The following PLB1 variants were observed in gnomAD, a reference collection of about 807,000 sequenced individuals.
PLB1 encodes phospholipase B1, membrane-associated.
Under a neutral mutation model 227.4 loss-of-function variants are expected in PLB1, and 242 were observed. The ratio of observed to expected loss-of-function variants is 1.06; its 90% CI spans 0.96 to 1.18. PLB1 has a LOEUF of 1.18. Among genes scored for constraint, PLB1 ranks in the 50% most tolerant of loss-of-function variants. The pLI is 0.00. For missense variants in PLB1, 1,858 were observed against 1,816.3 expected (o/e 1.02, Z -0.42); for synonymous variants, 757 against 682.2 (o/e 1.11, Z -1.71).
intron 51 of PLB1, among the ~76,000 whole-genome samples, chr2:28,627,668 G>A (rs1000872315): frequency 2.0e-5 from 3 of 152,148 alleles, no homozygotes; most frequent in East Asian, 1.9e-4. Flanking sequence ...GAAACTCAGC[G>A]AACAGCACTG....
At chr2:28,512,581 G>A (rs1044626472) in intron 1 of PLB1, among the ~76,000 whole-genome samples, 2 of 151,698 alleles carry the variant, frequency 1.3e-5, no homozygotes, top group East Asian at 1.9e-4. Flanking sequence ...TCTGAGGGTC[G>A]TCAATTTGTT....
At chr2:28,600,762 A>G in intron 35 of PLB1, 47 bp from the exon 36 acceptor site, 2 of 1,587,774 alleles carry the variant, frequency 1.3e-6, no homozygotes, top group African/African-American at 1.3e-5. Context: ...GAGGAAAACT[A>G]TGGGCACTGT....
At chr2:28,533,177 TC>T (rs1671245256) in intron 9 of PLB1, among the ~76,000 whole-genome samples, 1 of 152,098 alleles carries the variant, frequency 6.6e-6, no homozygotes, top group Admixed American at 6.6e-5. Context: ...TGCGCCACAC[TC>T]CCACTGACTC....
At chr2:28,543,054 C>T (rs1029940414) in intron 13 of PLB1, among the ~76,000 whole-genome samples, 158 bp from the exon 14 acceptor site, 2 of 152,124 alleles carry the variant, frequency 1.3e-5, no homozygotes, top group African/African-American at 4.8e-5. Flanking sequence ...AGACGGTGGT[C>T]CCATAAGTGC....
rs114483564 is a variant in PLB1, at chr2:28,538,822, C to T, written c.619-277C>T. 3.7e-3 allele frequency among the ~76,000 whole-genome samples: 560 copies of T among 152,322 alleles called. 4 individuals are homozygous for T. Among genetic ancestry groups the T allele is most frequent in the African/African-American group, 0.012 (503 of 41,570 alleles). ...TTTCTGCTGGAGGAGGCTGCAGGCC[C>T]ATAGCCCCAGTGGTCTCCCTCCCCT... On this transcript the variant is annotated intron_variant, in intron 10 of 57. Coordinates refer to ENST00000327757, the MANE Select transcript of PLB1 (RefSeq NM_153021.5).
intron 46 of PLB1, among the ~76,000 whole-genome samples, chr2:28,619,123 C>G (rs57570433): frequency 0.017 from 2,557 of 152,278 alleles, 47 homozygotes; most frequent in African/African-American, 0.045. Flanking sequence ...GGGTTTGTTG[C>G]ACAGATTATT....
At chr2:28,572,450 A>G (rs1678171033) in intron 20 of PLB1, among the ~76,000 whole-genome samples, 1 of 152,230 alleles carries the variant, frequency 6.6e-6, no homozygotes, top group South Asian at 2.1e-4. Context: ...CTTGTACACA[A>G]ATGTTCATAG....
Position 28,563,072 on chromosome 2 carries a change from A to T in PLB1, c.1179A>T (p.Val393=). The change falls in exon 18 of 58, where the codon GTA becomes GTT. Residue 393 remains valine (V), a synonymous_variant. Transcript: ENST00000327757. ...VHRLKPADIN[V]IGALGDSLTA... is the part of the protein sequence containing the mutation. ...GGCTGAAGCCGGCTGACATCAACGT[A>T]ATTGGAGCCCTGGGTGACTCTCTCA... The T allele has an allele frequency of 6.2e-7, 1 of 1,613,846 alleles. No individual in the cohort carries two copies. Among genetic ancestry groups the T allele is most frequent in the Non-Finnish European group, 8.5e-7 (1 of 1,179,838 alleles).
At chr2:28,539,587 G>T (rs968025485) in intron 11 of PLB1, among the ~76,000 whole-genome samples, 7 of 152,138 alleles carry the variant, frequency 4.6e-5, no homozygotes, top group African/African-American at 1.7e-4. Context: ...TTCTGAAAAT[G>T]TTCATAGACT....
At chr2:28,635,036 A>C (rs545028972) in intron 56 of PLB1, among the ~76,000 whole-genome samples, 1 of 152,334 alleles carries the variant, frequency 6.6e-6, no homozygotes, top group South Asian at 2.1e-4. Flanking sequence ...AGGAGTTTAG[A>C]TATGAAAACA....
At chr2:28,566,628 G>C (rs1676954456) in intron 19 of PLB1, 168 bp from the exon 20 acceptor site, 2 of 655,504 alleles carry the variant, frequency 3.1e-6, no homozygotes, top group Non-Finnish European at 5.5e-6. Flanking sequence ...GAGGGGAGTC[G>C]TATTCTGGTT....
At chr2:28,600,196 C>T (rs992288753) in intron 35 of PLB1, among the ~76,000 whole-genome samples, 1 of 152,220 alleles carries the variant, frequency 6.6e-6, no homozygotes, top group South Asian at 2.1e-4. Flanking sequence ...AGGCGTGAGC[C>T]ACCAGGCCTG....
chr2:28,531,786 T>C (rs572026163), intron 8 of PLB1, among the ~76,000 whole-genome samples: 2 of 152,378 alleles, frequency 1.3e-5, no homozygotes, highest in African/African-American at 2.4e-5. Context: ...TTCCTTCTTA[T>C]GCATAAGGCT....
rs200283166 is a variant in PLB1 at position 28,614,072 on chromosome 2, G to A, written c.3171G>A (p.Thr1057=). 1.7e-5 allele frequency: 28 copies of A among 1,612,802 alleles called. No homozygotes were observed. The highest frequency in any genetic ancestry group is 1.7e-4 in the Middle Eastern group (1 of 6,056). Reference sequence around the variant, plus strand: ...GAACCCCTCGGAATAGTAACTACACGTACCCCATCAAGCCAGCCATTGAGG... The same window carrying A: ...GAACCCCTCGGAATAGTAACTACACATACCCCATCAAGCCAGCCATTGAGG... ...FLRTPRNSNY[T]YPIKPAIENW... Residue 1057 remains threonine (T), a synonymous_variant, in exon 44 of 58, where the codon ACG becomes ACA. Transcript: ENST00000327757.
In PLB1 at chr2:28,618,377, C is replaced by T. The variant is rs1686492135; in HGVS notation, c.3293C>T (p.Ala1098Val). ...QLRPADIKVV[A>V]ALGDSLTTAV... ...CGACCAGCAGACATCAAAGTGGTGG[C>T]CGCCCTGGGTGACTCTCTGACTGTG... The change falls in exon 46 of 58, where the codon GCC becomes GTC. Residue 1098 changes from alanine to valine, a missense_variant. Physicochemically the swap from Ala to Val is moderately conservative, Grantham distance 64. Transcript: ENST00000327757. 1 of 1,614,138 alleles carries T rather than the reference C, an allele frequency of 6.2e-7. No homozygotes were observed. The highest frequency in any genetic ancestry group is 8.5e-7 in the Non-Finnish European group (1 of 1,180,010).
intron 56 of PLB1, among the ~76,000 whole-genome samples, chr2:28,638,510 C>T (rs1689622647): frequency 6.6e-6 from 1 of 151,936 alleles, no homozygotes. Context: ...CAAGGGTGGA[C>T]CTGGAAAGAC....
Position 28,504,519 on chromosome 2 carries a change from G to T in PLB1, c.55+8350G>T, listed in dbSNP as rs928871127. Reference sequence around the variant, plus strand: ...GCACTTTGGGAGGCTGAGGCAGGCAGATCACTTGAGGTCAGGAGTTCGAGA... The same window carrying T: ...GCACTTTGGGAGGCTGAGGCAGGCATATCACTTGAGGTCAGGAGTTCGAGA... On this transcript the variant is annotated intron_variant, in intron 1 of 57. Coordinates refer to ENST00000327757, the MANE Select transcript of PLB1 (RefSeq NM_153021.5). 3.4e-4 allele frequency among the ~76,000 whole-genome samples: 51 copies of T among 152,158 alleles called. 3 individuals carry two copies.
At position 28,506,498 on chromosome 2, in the gene PLB1, C is replaced by G. The variant is rs543751221; in HGVS notation, c.56-10310C>G. Among the ~76,000 whole-genome samples the G allele has an allele frequency of 2.6e-5, 4 of 152,174 alleles. No individual in the cohort carries two copies. In the East Asian group the frequency reaches 5.8e-4, roughly 22 times the overall value. ...GGGTTAAGGTAGGACAATTAAACCC[C>G]GGTGCAAGGAGAGAGGAGATTTTTC... On this transcript the variant is annotated intron_variant, in intron 1 of 57. Transcript: ENST00000327757.
chr2:28,641,087 G>A (rs1344267577), intron 57 of PLB1, 86 bp downstream of exon 57: 25 of 1,281,982 alleles, frequency 2.0e-5, no homozygotes, highest in Non-Finnish European at 2.4e-5. Context: ...AGGAGTCCCC[G>A]GGGATGCTCC....
Sources: gnomAD v4.1 joint callset for allele counts (sites outside exome capture counted in the v4.1 genomes callset) on GRCh38, gnomAD v4.1.1 for gene constraint, MANE v1.5 for transcripts, NCBI Gene and HGNC (gene_info 2026-07-23, HGNC 2026-07-21) for gene names.